BNIP3: variants seen among roughly 807,000 people sequenced by gnomAD.
BNIP3 encodes BCL2/adenovirus E1B 19 kDa protein-interacting protein 3.
In BNIP3, 16 loss-of-function variants were observed where a neutral mutation model predicts 23.9. That is an observed-to-expected ratio of 0.67 (90% confidence interval 0.45 to 1.01). The LOEUF (loss-of-function observed/expected upper bound fraction) is 1.01, where lower values mean the gene tolerates loss of function less well. Among genes scored for constraint, BNIP3 ranks in the 50% least tolerant of loss-of-function variants. The pLI is 0.00. For missense variants in BNIP3, 198 were observed against 248.7 expected, an observed-to-expected ratio of 0.80 and a Z score of 1.37; for synonymous variants, 81 against 89.3, an observed-to-expected ratio of 0.91 and a Z score of 0.53.
intron 3 of BNIP3, among the ~76,000 whole-genome samples, chr10:131,972,087 G>A (rs1172942547): frequency 1.3e-5 from 2 of 152,118 alleles, no homozygotes; most frequent in Middle Eastern, 3.2e-3. Context: ...AGATATAACT[G>A]AGCAAGACAG....
At chr10:131,979,925 C>CTGCCCT (rs1196451656) in intron 1 of BNIP3, among the ~76,000 whole-genome samples, 2 of 152,208 alleles carry the variant, frequency 1.3e-5, no homozygotes, top group Admixed American at 1.3e-4. Context: ...GAGGTGAGCG[C>CTGCCCT]TGCCTGAGCC....
intron 1 of BNIP3, among the ~76,000 whole-genome samples, chr10:131,978,059 A>C (rs544657974): frequency 6.6e-6 from 1 of 152,186 alleles, no homozygotes; most frequent in African/African-American, 2.4e-5. Flanking sequence ...CAAGCAGTTT[A>C]CACTTCAAAT....
At chr10:131,978,381 T>TAAA (rs11484265) in intron 1 of BNIP3, among the ~76,000 whole-genome samples, 5 of 134,876 alleles carry the variant, frequency 3.7e-5, no homozygotes, top group African/African-American at 8.2e-5. Flanking sequence ...TCACTTTGTG[T>TAAA]AAAAAAAAAA....
intron 1 of BNIP3, among the ~76,000 whole-genome samples, chr10:131,974,956 T>C (rs542007026): frequency 2.4e-4 from 37 of 152,352 alleles, no homozygotes; most frequent in Admixed American, 7.8e-4. Context: ...ATTCTAGATA[T>C]ATGTTTTTCT....
At chr10:131,973,490 C>A in intron 2 of BNIP3, 1 of 482,634 alleles carries the variant, frequency 2.1e-6, no homozygotes. Context: ...GGGACCGCTC[C>A]TCCTGCGACC....
intron 2 of BNIP3, 22 bp downstream of exon 2, chr10:131,973,771 A>C: frequency 6.2e-7 from 1 of 1,611,326 alleles, no homozygotes; most frequent in Non-Finnish European, 8.5e-7. Flanking sequence ...TGTAACACAT[A>C]CACTTGTTGA....
chr10:131,967,993 T>G lies in BNIP3; in HGVS notation c.*531A>C, dbSNP rs537730982. On this transcript the variant is annotated 3_prime_UTR_variant, in exon 6 of 6. Transcript: ENST00000368636. ...GCTCTATCTTGGTTTCTGTTGATTA[T>G]GAACAATTAGCATAGTTATATATAA... is the stretch of plus-strand genomic sequence containing the variant. The G allele has an allele frequency of 6.5e-6, 1 of 152,754 alleles. No individual in the cohort carries two copies. The highest frequency in any genetic ancestry group is 1.5e-5 in the Non-Finnish European group (1 of 68,430). The allele number at this position is 152,754 out of a possible 1,614,324, so 9.5% of individuals were successfully genotyped here.
At chr10:131,974,052 C>T in intron 1 of BNIP3, 109 bp from the exon 2 acceptor site, 1 of 1,415,286 alleles carries the variant, frequency 7.1e-7, no homozygotes, top group East Asian at 2.3e-5. Context: ...AGCAATGGTG[C>T]CACACCAGGA....
intron 2 of BNIP3, 51 bp downstream of exon 2, chr10:131,973,742 C>A: frequency 6.3e-7 from 1 of 1,598,730 alleles, no homozygotes. Flanking sequence ...TGACTGTCAC[C>A]CACTGAAGAC....
rs1310288810 is a variant in BNIP3, at chr10:131,968,413, CAAAT to C, written c.*107_*110del. ...AATTAGGAACGCAGCATTTACAGAA[CAAAT>C]AAACACAAGTGACGTGGCCACCCCA... On this transcript the variant is annotated 3_prime_UTR_variant, in exon 6 of 6. Coordinates refer to ENST00000368636, the MANE Select transcript of BNIP3 (RefSeq NM_004052.4). 1.2e-6 allele frequency: 1 copy of C among 866,268 alleles called. No homozygotes were observed. Among genetic ancestry groups the C allele is most frequent in the Non-Finnish European group, 1.9e-6 (1 of 536,004 alleles). The allele number at this position is 866,268 out of a possible 1,614,324, so 53.7% of individuals were successfully genotyped here.
Position 131,973,887 on chromosome 10 carries a change from A to C in BNIP3, c.103T>G (p.Ser35Ala). Residue 35 changes from serine (S) to alanine (A), a missense_variant, in exon 2 of 6, where the codon TCG (serine) becomes GCG (alanine). Physicochemically the swap from Ser to Ala is moderately conservative, Grantham distance 99. Coordinates refer to ENST00000368636, the MANE Select transcript of BNIP3 (RefSeq NM_004052.4). ...NNGNGGSVPA[S>A]VSIYNGDMEK... ...ATGTCTCCATTATAAATAGAAACCG[A>C]GGCTGGAACGCTGCCCCCGTTCCCA... 1 of 1,613,376 alleles carries C rather than the reference A, an allele frequency of 6.2e-7. No homozygotes were observed. The highest frequency in any genetic ancestry group is 8.5e-7 in the Non-Finnish European group (1 of 1,180,032).
At position 131,981,790 on chromosome 10, in the gene BNIP3, G is replaced by A; in HGVS notation, c.17C>T (p.Ala6Val). MSQNG[A>V]PGMQEESLQG... ...CAGGCTCTCCTCCTGCATCCCGGGC[G>A]CTCCGTTCTGCGACATGGCGCCAGA... is the stretch of plus-strand genomic sequence containing the variant. The change falls in exon 1 of 6, where the codon GCG (alanine) becomes GTG (valine). Residue 6 changes from alanine to valine, a missense_variant. Physicochemically the swap from Ala to Val is moderately conservative, Grantham distance 64 (BLOSUM62 0). Transcript: ENST00000368636. 2 of 1,482,660 alleles carry A rather than the reference G, an allele frequency of 1.3e-6. No individual in the cohort carries two copies. The highest frequency in any genetic ancestry group is 1.8e-6 in the Non-Finnish European group (2 of 1,122,798). 91.8% of individuals were successfully genotyped at this position (1,482,660 alleles called of 1,614,324 possible).
In BNIP3 at chr10:131,970,832, G is replaced by A. The variant is rs1339725346; in HGVS notation, c.389+32C>T. 1.9e-6 allele frequency: 3 copies of A among 1,614,208 alleles called. No individual in the cohort carries two copies. Among genetic ancestry groups the A allele is most frequent in the Non-Finnish European group, 2.5e-6 (3 of 1,180,028 alleles). On this transcript the variant is annotated intron_variant, in intron 4 of 5. Transcript: ENST00000368636. The surrounding 1 kb of genome is among the most constrained non-coding windows in gnomAD (Gnocchi z 4.1). ...GTCAGCTGATGTGTCCTCTGTCAAG[G>A]GGTGCCCCCGTGACACTGAGAACAC...
rs763332342 is a variant in BNIP3 at position 131,976,560 on chromosome 10, G to C, written c.47-2617C>G. On this transcript the variant is annotated intron_variant, in intron 1 of 5. Transcript: ENST00000368636. The surrounding 1 kb of genome is among the most constrained non-coding windows in gnomAD (Gnocchi z 4.3). The stretch of plus-strand genomic sequence containing the variant: ...GTTTACCAGAAACAATTCCAGGGCA[G>C]ACAAATGGAAATGACATACAGCCCA... 5.3e-5 allele frequency among the ~76,000 whole-genome samples: 8 copies of C among 152,124 alleles called. No homozygotes were observed. Among genetic ancestry groups the C allele is most frequent in the Non-Finnish European group, 1.0e-4 (7 of 68,026 alleles).
At chr10:131,980,753 T>TA (rs2037113155) in intron 1 of BNIP3, 1 of 152,192 alleles carries the variant, frequency 6.6e-6, no homozygotes, top group Admixed American at 6.5e-5. Flanking sequence ...CAATGAAGAT[T>TA]AAAAGTTCAC....
chr10:131,972,531 T>TA (rs1469097216), intron 3 of BNIP3, among the ~76,000 whole-genome samples: 1 of 152,202 alleles, frequency 6.6e-6, no homozygotes, highest in African/African-American at 2.4e-5. Context: ...AGTGAGTGTC[T>TA]AATGAGGAAG....
chr10:131,978,335 A>G (rs957187803), intron 1 of BNIP3, among the ~76,000 whole-genome samples: 4 of 152,074 alleles, frequency 2.6e-5, no homozygotes, highest in African/African-American at 9.7e-5. Context: ...GAGACAAAAT[A>G]CAGTCCAACA....
rs888363163 is a variant in BNIP3 at position 131,971,370 on chromosome 10, CAG to C, written c.283-402_283-401del. ...GAAAACAGCCGAAAACGGCTCAAAACAGGGACATGACGAAGGAAGGGACACTG... is the reference window on the plus strand; with the variant it reads ...GAAAACAGCCGAAAACGGCTCAAAACGGACATGACGAAGGAAGGGACACTG... On this transcript the variant is annotated intron_variant, in intron 3 of 5. Coordinates refer to ENST00000368636, the MANE Select transcript of BNIP3 (RefSeq NM_004052.4). The C allele has an allele frequency of 1.7e-4, 43 of 246,798 alleles. 1 individual carries two copies. In the South Asian group the frequency reaches 2.1e-3, roughly 12 times the overall value. The allele number at this position is 246,798 out of a possible 1,614,324, so 15.3% of individuals were successfully genotyped here. A position where few individuals can be genotyped will look rare whatever the true frequency, so the allele number is the denominator to read the frequency against.
chr10:131,970,572 A>C lies in BNIP3; in HGVS notation c.539+66T>G, dbSNP rs2037020655. The C allele has an allele frequency of 6.4e-7, 1 of 1,564,198 alleles. No individual in the cohort carries two copies. Among genetic ancestry groups the C allele is most frequent in the Non-Finnish European group, 8.7e-7 (1 of 1,151,344 alleles). ...GACTTCAGGAAACAGGTTACGAATAAATCACTGCAACCCAGAATCGCCCCA... is the reference window on the plus strand; with the variant it reads ...GACTTCAGGAAACAGGTTACGAATACATCACTGCAACCCAGAATCGCCCCA... On this transcript the variant is annotated intron_variant, in intron 5 of 5. Coordinates refer to ENST00000368636, the MANE Select transcript of BNIP3 (RefSeq NM_004052.4). This position sits in a 1 kb window ranked among gnomAD's most constrained non-coding sequence, Gnocchi z 4.1.
Sources: allele counts gnomAD v4.1 joint callset (sites outside exome capture counted in the v4.1 genomes callset), GRCh38; gene constraint gnomAD v4.1.1; non-coding constraint Gnocchi (gnomAD v3.1); transcripts MANE v1.5; gene names NCBI Gene and HGNC (gene_info 2026-07-23, HGNC 2026-07-21).